The following SIPA1L1 variants were observed in gnomAD, a reference collection of about 807,000 sequenced individuals.
The protein encoded by SIPA1L1 is signal induced proliferation associated 1 like 1, also known as signal-induced proliferation-associated 1-like protein 1.
In SIPA1L1, 26 loss-of-function variants were observed where a neutral mutation model predicts 162.7. That is an observed-to-expected ratio of 0.16 (90% CI 0.12 to 0.22). The LOEUF (loss-of-function observed/expected upper bound fraction) is 0.22, where lower values mean the gene tolerates loss of function less well. Ranked by LOEUF, SIPA1L1 falls within the 10% of genes least tolerant of loss-of-function variation. The pLI, the probability that SIPA1L1 is intolerant of heterozygous loss-of-function variation, is 1.00. For missense variants in SIPA1L1, 1,874 were observed against 2,241.0 expected (o/e 0.84, Z 3.31); for synonymous variants, 829 against 837.4 (o/e 0.99, Z 0.17).
rs371940261 is a variant in SIPA1L1, at chr14:71,364,116, A to C, written c.-465+42935A>C. On this transcript the variant is annotated intron_variant, in intron 2 of 23. Transcript: ENST00000381232. The stretch of plus-strand genomic sequence containing the variant: ...AGAAGTATTAAAATGGAGAAAATAT[A>C]AAACCTAAGAATATACAAGCACACA... 2.0e-5 allele frequency among the ~76,000 whole-genome samples: 3 copies of C among 152,244 alleles called. No homozygotes were observed. The East Asian group carries it at 5.8e-4, about 29-fold the overall frequency.
chr14:71,696,339 G>C (rs1366248855), intron 13 of SIPA1L1, among the ~76,000 whole-genome samples: 2 of 152,202 alleles, frequency 1.3e-5, no homozygotes. Context: ...AGTTAGAACA[G>C]GCATTGTCCT....
chr14:71,484,744 C>G (rs2048616668), intron 2 of SIPA1L1, among the ~76,000 whole-genome samples: 1 of 152,144 alleles, frequency 6.6e-6, no homozygotes, highest in African/African-American at 2.4e-5. Context: ...ATAGCAGAGA[C>G]TTGACAGTAG....
intron 19 of SIPA1L1, among the ~76,000 whole-genome samples, chr14:71,728,224 G>A (rs1159929624): frequency 6.6e-6 from 1 of 152,154 alleles, no homozygotes; most frequent in Non-Finnish European, 1.5e-5. Flanking sequence ...AGGTGGAGAT[G>A]TTTTATTTGG....
intron 2 of SIPA1L1, among the ~76,000 whole-genome samples, chr14:71,461,499 C>G (rs2046601331): frequency 6.6e-6 from 1 of 152,168 alleles, no homozygotes; most frequent in South Asian, 2.1e-4. Flanking sequence ...GCTGAGGTCA[C>G]CTTTTGGTGA....
intron 7 of SIPA1L1, among the ~76,000 whole-genome samples, chr14:71,638,397 A>G (rs891983372): frequency 6.6e-6 from 1 of 152,232 alleles, no homozygotes; most frequent in Non-Finnish European, 1.5e-5. Flanking sequence ...TGAAAAATCA[A>G]TTAATGTAGC....
At chr14:71,617,371 G>A (rs1415028218) in intron 5 of SIPA1L1, among the ~76,000 whole-genome samples, 2 of 152,202 alleles carry the variant, frequency 1.3e-5, no homozygotes, top group African/African-American at 2.4e-5. Context: ...TAATCTGAGT[G>A]TGTTTCTCAT....
chr14:71,333,362 A>G (rs1276950298), intron 2 of SIPA1L1, among the ~76,000 whole-genome samples: 1 of 152,232 alleles, frequency 6.6e-6, no homozygotes, highest in African/African-American at 2.4e-5. Flanking sequence ...GTATTTGCTC[A>G]TGCTGCCAAA....
At chr14:71,347,312 A>G (rs1249586114) in intron 2 of SIPA1L1, among the ~76,000 whole-genome samples, 1 of 152,070 alleles carries the variant, frequency 6.6e-6, no homozygotes, top group Non-Finnish European at 1.5e-5. Flanking sequence ...GGGTTTGTAC[A>G]TGTTGTAGCA....
At chr14:71,567,013 A>C (rs937363020) in intron 4 of SIPA1L1, among the ~76,000 whole-genome samples, 2 of 152,196 alleles carry the variant, frequency 1.3e-5, no homozygotes, top group Admixed American at 6.5e-5. Flanking sequence ...ACAGAACATA[A>C]GTGGGTAAGA....
chr14:71,657,700 C>T lies in SIPA1L1; in HGVS notation c.1994-633C>T, dbSNP rs1234090190. Among the ~76,000 whole-genome samples, 4 of 146,720 alleles carry T rather than the reference C, an allele frequency of 2.7e-5. No individual in the cohort carries two copies. In the Admixed American group the frequency reaches 2.7e-4, roughly 10 times the overall value. ...TTTTTTTTTTTTTTTAAGAACAAAA[C>T]AAGTCTCTTGCTTGAATTGGAAGTA... On this transcript the variant is annotated intron_variant, in intron 8 of 23. Transcript: ENST00000381232.
chr14:71,598,076 T>C (rs1212085579), intron 5 of SIPA1L1, among the ~76,000 whole-genome samples: 1 of 152,166 alleles, frequency 6.6e-6, no homozygotes, highest in Non-Finnish European at 1.5e-5. Context: ...TATGGCCTTG[T>C]GTTATACTCC....
intron 4 of SIPA1L1, among the ~76,000 whole-genome samples, chr14:71,539,170 T>C (rs902540179): frequency 6.6e-6 from 1 of 152,208 alleles, no homozygotes; most frequent in Non-Finnish European, 1.5e-5. Flanking sequence ...TCAAGGATGC[T>C]CTCTACAGTC....
At chr14:71,566,577 G>A (rs1196467351) in intron 4 of SIPA1L1, among the ~76,000 whole-genome samples, 1 of 152,178 alleles carries the variant, frequency 6.6e-6, no homozygotes, top group East Asian at 1.9e-4. Context: ...ACCTCCACAT[G>A]CACGGGAACT....
chr14:71,637,176 T>C (rs1333124785), intron 7 of SIPA1L1, among the ~76,000 whole-genome samples: 1 of 150,628 alleles, frequency 6.6e-6, no homozygotes, highest in Non-Finnish European at 1.5e-5. Context: ...TTTGAAAAGA[T>C]GATAAAATTG....
rs1484987473 is a variant in SIPA1L1, at chr14:71,590,031, AAAAAAAAAAAAAAATATATAT to A, written c.1498+663_1498+683del. ...CTTTGAGTGGGAGAGTAAAAAAAAA[AAAAAAAAAAAAAAATATATAT>A]ATATATATATATATATATATATATG... On this transcript the variant is annotated intron_variant, in intron 5 of 23. Coordinates refer to ENST00000381232, the MANE Select transcript of SIPA1L1 (RefSeq NM_001386936.1). Among the ~76,000 whole-genome samples, 192 of 58,126 alleles carry A rather than the reference AAAAAAAAAAAAAAATATATAT, an allele frequency of 3.3e-3. 1 individual carries two copies. The highest frequency in any genetic ancestry group is 5.1e-3 in the Non-Finnish European group (155 of 30,688). 38.1% of individuals were successfully genotyped at this position (58,126 alleles called of 152,430 possible).
At chr14:71,736,884 G>A (rs989388055) in intron 22 of SIPA1L1, among the ~76,000 whole-genome samples, 1 of 152,228 alleles carries the variant, frequency 6.6e-6, no homozygotes, top group Non-Finnish European at 1.5e-5. Flanking sequence ...GCTCCTGAGC[G>A]TTGCTGCAGT....
At chr14:71,461,977 C>G (rs2141915795) in intron 2 of SIPA1L1, among the ~76,000 whole-genome samples, 1 of 152,328 alleles carries the variant, frequency 6.6e-6, no homozygotes, top group Non-Finnish European at 1.5e-5. Context: ...ACTTGAGCCA[C>G]TTCCTCATGT....
intron 4 of SIPA1L1, among the ~76,000 whole-genome samples, chr14:71,536,323 T>C (rs1311949512): frequency 2.0e-5 from 3 of 152,154 alleles, no homozygotes; most frequent in African/African-American, 7.2e-5. Flanking sequence ...ATGGGCTTCT[T>C]TTAAGTGTCT....
At chr14:71,685,305 C>T (rs969058632) in intron 12 of SIPA1L1, 57 bp from the exon 13 acceptor site, 12 of 1,574,954 alleles carry the variant, frequency 7.6e-6, no homozygotes, top group African/African-American at 6.8e-5. Flanking sequence ...AATGTGGTTC[C>T]ACCAGCAAGA....
Sources: allele counts gnomAD v4.1 joint callset (sites outside exome capture counted in the v4.1 genomes callset), GRCh38; gene constraint gnomAD v4.1.1; transcripts MANE v1.5; gene names NCBI Gene and HGNC (gene_info 2026-07-23, HGNC 2026-07-21).